Variants in RTN4 observed in about 807,000 individuals in gnomAD.
RTN4 encodes the protein reticulon-4.
Under a neutral mutation model 90.4 loss-of-function variants are expected in RTN4, and 32 were observed. The ratio of observed to expected loss-of-function variants is 0.35; its 90% CI spans 0.27 to 0.48. The LOEUF is 0.48. Among genes scored for constraint, RTN4 ranks in the 20% least tolerant of loss-of-function variants. The probability of loss-of-function intolerance (pLI) is 0.99; values close to 1 mark genes in which losing one functional copy is unlikely to be tolerated. For missense variants in RTN4, 1,706 were observed against 1,430.2 expected, an observed-to-expected ratio of 1.19 and a Z score of -3.11; for synonymous variants, 629 against 552.5, an observed-to-expected ratio of 1.14 and a Z score of -1.94.
At chr2:55,038,885 G>C (rs1682870840) in intron 1 of RTN4, among the ~76,000 whole-genome samples, 1 of 152,152 alleles carries the variant, frequency 6.6e-6, no homozygotes, top group African/African-American at 2.4e-5. Flanking sequence ...ATTAAACTGT[G>C]CTATTCTTAG....
rs77339786 is a variant in RTN4 at position 55,005,084 on chromosome 2, G to C, written c.3014-17386C>G. ...AGTCCTTCAGTGTGGCTAGCGACAG[G>C]GAGTAATGACAGACGAAATTATAAA... is the stretch of plus-strand genomic sequence containing the variant. On this transcript the variant is annotated intron_variant, in intron 3 of 8. Coordinates refer to ENST00000337526, the MANE Select transcript of RTN4 (RefSeq NM_020532.5). Among the ~76,000 whole-genome samples, 56 of 152,262 alleles carry C rather than the reference G, an allele frequency of 3.7e-4. 1 individual carries two copies. Among genetic ancestry groups the C allele is most frequent in the African/African-American group, 1.2e-3 (51 of 41,556 alleles).
At chr2:55,084,499 G>C (rs528057539) in intron 1 of RTN4, among the ~76,000 whole-genome samples, 2 of 152,218 alleles carry the variant, frequency 1.3e-5, no homozygotes, top group East Asian at 3.9e-4. Context: ...TCTGAGTTCT[G>C]TGAGCCATTC....
In RTN4 at chr2:55,070,921, T is replaced by C. The variant is rs373238912; in HGVS notation, c.-63+9568A>G. ...CCTCCCGAGTAGCTGGGACTACAGG[T>C]GCCCACCACCACGCCTGGCTAATTT... On this transcript the variant is annotated intron_variant, in intron 2 of 3. Transcript: ENST00000427710. Among the ~76,000 whole-genome samples the C allele has an allele frequency of 1.1e-3, 167 of 151,838 alleles. 1 individual carries two copies. Among genetic ancestry groups the C allele is most frequent in the African/African-American group, 3.1e-3 (130 of 41,396 alleles).
chr2:55,047,892 G>C (rs10191774), intron 1 of RTN4, among the ~76,000 whole-genome samples: 22,417 of 152,168 alleles, frequency 0.15, 2,761 homozygotes, highest in African/African-American at 0.34. Context: ...GAAAGAACTT[G>C]AAAACTATTT....
intron 2 of RTN4, among the ~76,000 whole-genome samples, chr2:55,058,389 C>G (rs73936821): frequency 0.028 from 4,269 of 152,254 alleles, 190 homozygotes; most frequent in African/African-American, 0.094. Flanking sequence ...CAGCTTTTAA[C>G]TGAATGTGTA....
chr2:55,128,849 G>A, the RTN4 span, among the ~76,000 whole-genome samples: 2 of 151,450 alleles, frequency 1.3e-5, no homozygotes, highest in Non-Finnish European at 2.9e-5. Flanking sequence ...GCTCACGCCT[G>A]TAATCCCAGC....
In RTN4 at chr2:55,026,307, G is replaced by C; in HGVS notation, c.1792C>G (p.Pro598Ala). 1 of 1,613,912 alleles carries C rather than the reference G, an allele frequency of 6.2e-7. No individual in the cohort carries two copies. Among genetic ancestry groups the C allele is most frequent in the Non-Finnish European group, 8.5e-7 (1 of 1,179,884 alleles). ...ESLYPAAQLC[P>A]SFEESEATPS... ...GTAGCTTCTGACTCTTCAAATGATG[G>C]GCAAAGCTGTGCTGCAGGATAGAGT... is the stretch of plus-strand genomic sequence containing the variant. The change falls in exon 3 of 9, where the codon CCA becomes GCA. Residue 598 changes from proline to alanine, a missense_variant. Coordinates refer to ENST00000337526, the MANE Select transcript of RTN4 (RefSeq NM_020532.5).
intron 1 of RTN4, among the ~76,000 whole-genome samples, chr2:55,102,886 A>G (rs865994082): frequency 6.6e-6 from 1 of 152,066 alleles, no homozygotes; most frequent in Non-Finnish European, 1.5e-5. Flanking sequence ...TGGGAGGCTG[A>G]GGCGGGCGGA....
Position 55,110,286 on chromosome 2 carries a change from A to G in RTN4, c.-214+2234T>C, listed in dbSNP as rs113932761. ...AGTTTCTGCCACTGCATTCCAGCCT[A>G]GGTGACAGAGGGAGACCCTGTCTCA... On this transcript the variant is annotated intron_variant, in intron 1 of 3. Coordinates refer to the RTN4 transcript ENST00000427710. Among the ~76,000 whole-genome samples the G allele has an allele frequency of 5.6e-3, 816 of 146,158 alleles. 4 individuals are homozygous for G. Among genetic ancestry groups the G allele is most frequent in the Middle Eastern group, 0.038 (11 of 286 alleles).
chr2:55,045,739 T>C (rs945904543), intron 1 of RTN4, among the ~76,000 whole-genome samples: 4 of 152,236 alleles, frequency 2.6e-5, no homozygotes, highest in South Asian at 2.1e-4. Context: ...AGTGGAATGA[T>C]AAAATCCAAA....
In RTN4 at chr2:54,980,992, A is replaced by G. The variant is rs150859849; in HGVS notation, c.3360+1523T>C. On this transcript the variant is annotated intron_variant, in intron 5 of 8. Coordinates refer to ENST00000337526, the MANE Select transcript of RTN4 (RefSeq NM_020532.5). Reference sequence around the variant, plus strand: ...CTCTTTTGAAACTTATTAACCAAGCATGCCAAACAACATAACCGTAATCTT... The same window carrying G: ...CTCTTTTGAAACTTATTAACCAAGCGTGCCAAACAACATAACCGTAATCTT... 4.2e-3 allele frequency among the ~76,000 whole-genome samples: 640 copies of G among 152,398 alleles called. 7 individuals are homozygous for G. Among genetic ancestry groups the G allele is most frequent in the African/African-American group, 0.015 (620 of 41,592 alleles).
intron 1 of RTN4, among the ~76,000 whole-genome samples, chr2:55,041,125 T>G (rs1573456703): frequency 6.6e-6 from 1 of 152,028 alleles, no homozygotes; most frequent in East Asian, 1.9e-4. Context: ...GACTTAGCTT[T>G]CTTTCTCAGT....
chr2:55,103,019 G>A (rs1667880413), intron 1 of RTN4, among the ~76,000 whole-genome samples: 1 of 150,608 alleles, frequency 6.6e-6, no homozygotes. Context: ...TAGGGAGGCT[G>A]AGGCAGGAGA....
At chr2:55,132,019 T>C in the RTN4 span, among the ~76,000 whole-genome samples, 37,258 of 152,196 alleles carry the variant, frequency 0.24, 5,263 homozygotes, top group East Asian at 0.5. Context: ...GTGTTAAATA[T>C]CTGCTCAAGT....
At chr2:55,014,318 G>C (rs1680870269) in intron 3 of RTN4, 1 of 152,102 alleles carries the variant, frequency 6.6e-6, no homozygotes, top group Non-Finnish European at 1.5e-5. Context: ...AACTGAAAGT[G>C]ACACTATTTA....
intron 1 of RTN4, among the ~76,000 whole-genome samples, chr2:55,096,408 T>G (rs1000530444): frequency 6.6e-6 from 1 of 152,072 alleles, no homozygotes; most frequent in African/African-American, 2.4e-5. Flanking sequence ...AGCTTCCAAG[T>G]GATTTTTGAT....
chr2:55,011,636 C>T (rs773381967), intron 3 of RTN4, among the ~76,000 whole-genome samples: 2 of 152,018 alleles, frequency 1.3e-5, no homozygotes, highest in Admixed American at 6.5e-5. Flanking sequence ...GCTGCAAAAT[C>T]CTTAATATCA....
chr2:55,032,787 G>A (rs1338887962), intron 1 of RTN4, among the ~76,000 whole-genome samples: 2 of 152,112 alleles, frequency 1.3e-5, no homozygotes, highest in Admixed American at 1.3e-4. Flanking sequence ...CAACACTTTA[G>A]GAGGCCAAAG....
chr2:55,002,148 T>A (rs373013032), intron 3 of RTN4, among the ~76,000 whole-genome samples: 55 of 152,186 alleles, frequency 3.6e-4, no homozygotes, highest in African/African-American at 1.3e-3. Flanking sequence ...AGCCTCGACC[T>A]CCTGGGCTCA....
Sources: gnomAD v4.1 joint callset for allele counts (sites outside exome capture counted in the v4.1 genomes callset) on GRCh38, gnomAD v4.1.1 for gene constraint, MANE v1.5 for transcripts, NCBI Gene and HGNC (gene_info 2026-07-23, HGNC 2026-07-21) for gene names.